Variants in TMEM135 observed in about 807,000 individuals in gnomAD.
The protein encoded by TMEM135 is transmembrane protein 135, also known as peroxisomal membrane protein 52.
In TMEM135, 30 loss-of-function variants were observed where a neutral mutation model predicts 60.3. That is an observed-to-expected ratio of 0.50 (90% CI 0.37 to 0.68). The LOEUF (loss-of-function observed/expected upper bound fraction) is 0.68. Among genes scored for constraint, TMEM135 ranks in the 30% least tolerant of loss-of-function variants. The pLI is 0.00. For synonymous variants in TMEM135, 190 were observed against 186.7 expected (o/e 1.02, Z -0.14); for missense variants, 468 against 548.8 (o/e 0.85, Z 1.47).
At chr11:87,319,449 G>C (rs112819216) in intron 14 of TMEM135, 72 bp downstream of exon 14, 8 of 1,065,874 alleles carry the variant, frequency 7.5e-6, no homozygotes, top group Non-Finnish European at 1.2e-5. Context: ...TTCTTTCAGT[G>C]GTAAAGTAGG....
At chr11:87,195,636 C>G (rs1213386974) in intron 5 of TMEM135, among the ~76,000 whole-genome samples, 1 of 152,042 alleles carries the variant, frequency 6.6e-6, no homozygotes, top group Non-Finnish European at 1.5e-5. Context: ...TCTCGAACTC[C>G]CAACCTCAGG....
rs753421257 is a variant in TMEM135 at position 87,259,204 on chromosome 11, C to T, written c.509+22520C>T. 33 of 507,548 alleles carry T rather than the reference C, an allele frequency of 6.5e-5. No individual in the cohort carries two copies. The Middle Eastern group carries it at 2.0e-3, about 31-fold the overall frequency. 31.4% of individuals were successfully genotyped at this position (507,548 alleles called of 1,614,324 possible). A position where few individuals can be genotyped will look rare whatever the true frequency, so the allele number is the denominator to read the frequency against. ...TCCAACTCCTCCTTAGTCTTCTCCA[C>T]GTCGCCTTTTGGGAGCAATTCCTCC... On this transcript the variant is annotated intron_variant, in intron 6 of 14. Coordinates refer to ENST00000305494, the MANE Select transcript of TMEM135 (RefSeq NM_022918.4).
rs1942856671 is a variant in TMEM135, at chr11:87,323,215, A to C, written c.*1882A>C. The C allele has an allele frequency of 2.2e-6, 1 of 453,492 alleles. No homozygotes were observed. The highest frequency in any genetic ancestry group is 4.4e-6 in the Non-Finnish European group (1 of 226,572). 28.1% of individuals were successfully genotyped at this position (453,492 alleles called of 1,614,324 possible). ...TCAAAAAGGTGTATTTCTACAATTT[A>C]CCTTTTCATTTTTATAAATTGCAGT... On this transcript the variant is annotated 3_prime_UTR_variant, in exon 15 of 15. Transcript: ENST00000305494.
intron 6 of TMEM135, among the ~76,000 whole-genome samples, chr11:87,246,333 G>T (rs1459075822): frequency 6.7e-6 from 1 of 149,896 alleles, no homozygotes; most frequent in Non-Finnish European, 1.5e-5. Flanking sequence ...ATGTGTCTTG[G>T]AGTTGCTCTT....
intron 4 of TMEM135, among the ~76,000 whole-genome samples, chr11:87,146,910 TA>T (rs1171296069): frequency 5.9e-5 from 9 of 152,020 alleles, no homozygotes; most frequent in Admixed American, 5.2e-4. Flanking sequence ...TAATAGGAAA[TA>T]AATATCTGCT....
intron 1 of TMEM135, among the ~76,000 whole-genome samples, chr11:87,042,144 T>G (rs918952483): frequency 3.9e-5 from 6 of 152,264 alleles, no homozygotes; most frequent in Admixed American, 2.6e-4. Flanking sequence ...GGAAATTATC[T>G]GTTTTTATGC....
intron 4 of TMEM135, among the ~76,000 whole-genome samples, chr11:87,114,812 A>G (rs1319266120): frequency 6.6e-6 from 1 of 152,216 alleles, no homozygotes; most frequent in Non-Finnish European, 1.5e-5. Flanking sequence ...ATAGCTGTAC[A>G]GGACTTGGAA....
chr11:87,124,942 A>C (rs1937684441), intron 4 of TMEM135, among the ~76,000 whole-genome samples: 1 of 151,744 alleles, frequency 6.6e-6, no homozygotes, highest in African/African-American at 2.4e-5. Context: ...GGTAAATACT[A>C]ATTTTGTTTC....
intron 6 of TMEM135, among the ~76,000 whole-genome samples, chr11:87,280,510 A>G (rs1225359900): frequency 2.6e-5 from 4 of 152,114 alleles, no homozygotes; most frequent in South Asian, 2.1e-4. Flanking sequence ...TAAGTCTTAT[A>G]TGTATTTTTC....
chr11:87,180,918 T>C (rs187964539), intron 5 of TMEM135, among the ~76,000 whole-genome samples: 5 of 152,326 alleles, frequency 3.3e-5, no homozygotes, highest in Non-Finnish European at 7.3e-5. Flanking sequence ...CCAACATTAT[T>C]GGACATAACC....
At chr11:87,038,609 C>CTTTT (rs3045930) in intron 1 of TMEM135, among the ~76,000 whole-genome samples, 5,065 of 113,596 alleles carry the variant, frequency 0.045, 178 homozygotes, top group South Asian at 0.085. Context: ...TTTTATTTTG[C>CTTTT]TTTTTTTTTT....
chr11:87,316,266 ATGTG>A (rs66886963), intron 12 of TMEM135, among the ~76,000 whole-genome samples: 19 of 148,944 alleles, frequency 1.3e-4, no homozygotes, highest in African/African-American at 2.2e-4. Context: ...ACCCAAATAT[ATGTG>A]TGTGTGTGTG....
intron 5 of TMEM135, among the ~76,000 whole-genome samples, chr11:87,195,803 T>G (rs1375600878): frequency 8.5e-5 from 13 of 152,208 alleles, no homozygotes; most frequent in Non-Finnish European, 7.3e-5. Flanking sequence ...CCTGTCAATG[T>G]TGATGTTCGA....
chr11:87,300,957 G>T (rs191005283), intron 7 of TMEM135, among the ~76,000 whole-genome samples: 9 of 152,208 alleles, frequency 5.9e-5, no homozygotes, highest in Non-Finnish European at 4.4e-5. Flanking sequence ...AAGAGAAACT[G>T]TTCTATCTGT....
chr11:87,307,247 C>T (rs944077087), intron 9 of TMEM135, among the ~76,000 whole-genome samples: 1 of 152,034 alleles, frequency 6.6e-6, no homozygotes, highest in Admixed American at 6.6e-5. Context: ...TAGCCCAGCC[C>T]ACACTTAGCT....
At chr11:87,209,869 C>T (rs1002503312) in intron 5 of TMEM135, among the ~76,000 whole-genome samples, 1 of 152,132 alleles carries the variant, frequency 6.6e-6, no homozygotes, top group Non-Finnish European at 1.5e-5. Flanking sequence ...CCAAGAAGAT[C>T]TGTTAAAACC....
In TMEM135 at chr11:87,133,024, T is replaced by TGAAA. The variant is rs1458398469; in HGVS notation, c.397-24315_397-24312dup. Among the ~76,000 whole-genome samples, 5 of 152,278 alleles carry TGAAA rather than the reference T, an allele frequency of 3.3e-5. No homozygotes were observed. In the East Asian group the frequency reaches 7.7e-4, roughly 24 times the overall value. On this transcript the variant is annotated intron_variant, in intron 4 of 14. Coordinates refer to ENST00000305494, the MANE Select transcript of TMEM135 (RefSeq NM_022918.4). ...ATACCAGGACAGTCGATGTGGTAAC[T>TGAAA]GAAAGGGCTAAGTGCTAACTGGTAC... is the stretch of plus-strand genomic sequence containing the variant.
At chr11:87,173,028 A>T (rs2135291950) in intron 5 of TMEM135, among the ~76,000 whole-genome samples, 1 of 152,168 alleles carries the variant, frequency 6.6e-6, no homozygotes, top group African/African-American at 2.4e-5. Flanking sequence ...TTACTGTTGA[A>T]TGTGAATTCT....
chr11:87,173,490 G>T (rs502580), intron 5 of TMEM135, among the ~76,000 whole-genome samples: 56,122 of 151,884 alleles, frequency 0.37, 10,905 homozygotes, highest in East Asian at 0.67. Flanking sequence ...TGCTACTTAG[G>T]ACCTTGCCAG....
Sources: allele counts gnomAD v4.1 joint callset (sites outside exome capture counted in the v4.1 genomes callset), GRCh38; gene constraint gnomAD v4.1.1; transcripts MANE v1.5; gene names NCBI Gene and HGNC (gene_info 2026-07-23, HGNC 2026-07-21).